Variants in IGF2BP2 observed in about 807,000 individuals in gnomAD.
The protein encoded by IGF2BP2 is insulin like growth factor 2 mRNA binding protein 2.
IGF2BP2 carries 17 observed loss-of-function variants against 75.8 expected under a neutral mutation model. That is an observed-to-expected ratio of 0.22 (90% CI 0.15 to 0.34). The LOEUF is 0.34. Among genes scored for constraint, IGF2BP2 ranks in the 10% least tolerant of loss-of-function variants. The pLI is 1.00. For missense variants in IGF2BP2, 516 were observed against 772.4 expected (o/e 0.67, Z 3.93); for synonymous variants, 288 against 295.6 (o/e 0.97, Z 0.26).
chr3:185,714,845 T>C (rs6780264), intron 2 of IGF2BP2, among the ~76,000 whole-genome samples: 8,350 of 152,272 alleles, frequency 0.055, 247 homozygotes, highest in African/African-American at 0.059. Flanking sequence ...CACAGAATTC[T>C]TCCTTGCTTT....
intron 2 of IGF2BP2, among the ~76,000 whole-genome samples, chr3:185,781,598 C>T (rs1735207868): frequency 6.6e-6 from 1 of 152,094 alleles, no homozygotes; most frequent in African/African-American, 2.4e-5. Context: ...AGCATTGTGA[C>T]TAGAGAGATA....
At chr3:185,781,523 C>T (rs1735196349) in intron 2 of IGF2BP2, among the ~76,000 whole-genome samples, 1 of 152,104 alleles carries the variant, frequency 6.6e-6, no homozygotes, top group Non-Finnish European at 1.5e-5. Flanking sequence ...TAAAAGGTTA[C>T]AGTGGATCCT....
At chr3:185,776,572 T>G (rs1344836923) in intron 2 of IGF2BP2, among the ~76,000 whole-genome samples, 1 of 152,156 alleles carries the variant, frequency 6.6e-6, no homozygotes, top group Non-Finnish European at 1.5e-5. Flanking sequence ...CAGATGGAGC[T>G]ATCCAATAGG....
chr3:185,783,803 T>C (rs1321110394), intron 2 of IGF2BP2, among the ~76,000 whole-genome samples: 3 of 152,206 alleles, frequency 2.0e-5, no homozygotes, highest in African/African-American at 7.2e-5. Flanking sequence ...TATCAACCCC[T>C]TGTGAAGTTT....
chr3:185,716,341 A>C, intron 2 of IGF2BP2: 1 of 417,298 alleles, frequency 2.4e-6, no homozygotes, highest in Non-Finnish European at 4.7e-6. Context: ...ACACTGACGT[A>C]ACTGATTTGC....
At chr3:185,718,703 A>G (rs1726049380) in intron 2 of IGF2BP2, among the ~76,000 whole-genome samples, 2 of 151,216 alleles carry the variant, frequency 1.3e-5, no homozygotes, top group South Asian at 4.2e-4. Context: ...AAAAAAAAAA[A>G]AAAAAGAAAG....
intron 2 of IGF2BP2, among the ~76,000 whole-genome samples, chr3:185,772,396 A>G (rs73175572): frequency 0.084 from 12,844 of 152,090 alleles, 730 homozygotes; most frequent in Middle Eastern, 0.18. Context: ...AATATTTTCA[A>G]ATTTATCTTT....
chr3:185,647,003 CAG>C lies in IGF2BP2; in HGVS notation c.1707+20_1707+21del, dbSNP rs763898641. On this transcript the variant is annotated intron_variant, in intron 15 of 15. Transcript: ENST00000382199. This position sits in a 1 kb window ranked among gnomAD's most constrained non-coding sequence, Gnocchi z 4.9. Reference sequence around the variant, plus strand: ...ATTGAAAAGAGACTTGCAGGAGAGACAGGGCCCTCACAGCACAGTACCTGGCT... The same window carrying C: ...ATTGAAAAGAGACTTGCAGGAGAGACGGCCCTCACAGCACAGTACCTGGCT... 11 of 1,548,326 alleles carry C rather than the reference CAG, an allele frequency of 7.1e-6. No homozygotes were observed. The highest frequency in any genetic ancestry group is 8.9e-6 in the Non-Finnish European group (10 of 1,120,368).
chr3:185,778,383 T>C (rs1188025808), intron 2 of IGF2BP2, among the ~76,000 whole-genome samples: 22 of 152,164 alleles, frequency 1.4e-4, no homozygotes, highest in Admixed American at 1.4e-3. Flanking sequence ...ACAGGGAGAA[T>C]GTGCAAATTC....
intron 2 of IGF2BP2, among the ~76,000 whole-genome samples, chr3:185,712,887 C>T (rs1725013779): frequency 1.3e-5 from 2 of 152,120 alleles, no homozygotes; most frequent in African/African-American, 4.8e-5. Context: ...TGTGTCATGA[C>T]CCTACAGCCT....
intron 7 of IGF2BP2, among the ~76,000 whole-genome samples, chr3:185,677,826 T>C (rs1000300710): frequency 1.3e-5 from 2 of 152,126 alleles, no homozygotes; most frequent in Non-Finnish European, 2.9e-5. Context: ...ACAGAAAAAT[T>C]TGTTAAAGGA....
At chr3:185,782,032 A>G (rs1481031825) in intron 2 of IGF2BP2, among the ~76,000 whole-genome samples, 1 of 152,204 alleles carries the variant, frequency 6.6e-6, no homozygotes, top group Non-Finnish European at 1.5e-5. Flanking sequence ...CTCACTTCAA[A>G]TAGAAGGCAT....
chr3:185,681,287 C>T (rs765858281), intron 7 of IGF2BP2, among the ~76,000 whole-genome samples: 1 of 152,070 alleles, frequency 6.6e-6, no homozygotes, highest in South Asian at 2.1e-4. Context: ...TTTCTATACA[C>T]AACAATAAAC....
chr3:185,665,326 G>C (rs1361217924), intron 10 of IGF2BP2, among the ~76,000 whole-genome samples: 17 of 95,212 alleles, frequency 1.8e-4, no homozygotes, highest in South Asian at 3.1e-4. Flanking sequence ...GGAGAAGGAG[G>C]AGGAGGAGGA....
chr3:185,769,882 A>ACATGAAC (rs1471726534), intron 2 of IGF2BP2, among the ~76,000 whole-genome samples: 2 of 151,504 alleles, frequency 1.3e-5, no homozygotes, highest in Non-Finnish European at 2.9e-5. Flanking sequence ...TCACAAAACC[A>ACATGAAC]CATGAACCAA....
intron 4 of IGF2BP2, among the ~76,000 whole-genome samples, chr3:185,696,248 G>A (rs908641065): frequency 6.6e-6 from 1 of 152,166 alleles, no homozygotes; most frequent in Admixed American, 6.5e-5. Context: ...AGACATTAGG[G>A]ATCTGTTTTT....
At chr3:185,695,728 T>G (rs1722494149) in intron 4 of IGF2BP2, among the ~76,000 whole-genome samples, 1 of 152,198 alleles carries the variant, frequency 6.6e-6, no homozygotes, top group African/African-American at 2.4e-5. Context: ...TTCTGGGCAT[T>G]TGCAGCACTG....
intron 14 of IGF2BP2, among the ~76,000 whole-genome samples, chr3:185,648,607 A>G (rs1045805799): frequency 6.6e-6 from 1 of 152,048 alleles, no homozygotes; most frequent in African/African-American, 2.4e-5. Flanking sequence ...GCAAGCCTGC[A>G]CTAGGCTCTA....
intron 2 of IGF2BP2, among the ~76,000 whole-genome samples, chr3:185,810,811 C>T (rs950565585): frequency 1.3e-5 from 2 of 149,446 alleles, no homozygotes; most frequent in Admixed American, 6.7e-5. Flanking sequence ...AAAAAACAAA[C>T]AAAAAAAACA....
Sources: allele counts gnomAD v4.1 joint callset (sites outside exome capture counted in the v4.1 genomes callset), GRCh38; gene constraint gnomAD v4.1.1; non-coding constraint Gnocchi (gnomAD v3.1); transcripts MANE v1.5; gene names NCBI Gene and HGNC (gene_info 2026-07-23, HGNC 2026-07-21).